Variants in MAP3K2 observed in about 807,000 individuals in gnomAD.
MAP3K2 encodes the protein mitogen-activated protein kinase kinase kinase 2, also known as MAP/ERK kinase kinase 2.
A neutral mutation model predicts 80.3 loss-of-function variants in MAP3K2; 24 were observed. The observed-to-expected ratio is 0.30, with a 90% confidence interval of 0.22 to 0.42. The LOEUF (loss-of-function observed/expected upper bound fraction) is 0.42. Ranked by LOEUF, MAP3K2 falls within the 10% of genes least tolerant of loss-of-function variation. The probability of loss-of-function intolerance (pLI) is 1.00; values close to 1 mark genes in which losing one functional copy is unlikely to be tolerated. For synonymous variants in MAP3K2, 244 were observed against 253.7 expected (o/e 0.96, Z 0.36); for missense variants, 608 against 750.1 (o/e 0.81, Z 2.21).
chr2:127,325,879 T>C, intron 8 of MAP3K2, 72 bp from the exon 9 acceptor site: 1 of 940,288 alleles, frequency 1.1e-6, no homozygotes, highest in Non-Finnish European at 1.7e-6. Flanking sequence ...AAAACCTGCC[T>C]TAATTAGACA....
chr2:127,349,740 GA>G (rs1686660398), intron 1 of MAP3K2, among the ~76,000 whole-genome samples: 1 of 152,060 alleles, frequency 6.6e-6, no homozygotes, highest in South Asian at 2.1e-4. Flanking sequence ...ACCTTTTGAG[GA>G]AACAACTAGC....
rs1330534671 is a variant in MAP3K2 at position 127,298,753 on chromosome 2, A to AG, written c.*8825dup. ...TCCATAGTCCAGAAGGTTACTTATT[A>AG]GAGTAAGCCTTTGCACCACAATCTT... On this transcript the variant is annotated 3_prime_UTR_variant, in exon 17 of 17. Coordinates refer to ENST00000682094, the MANE Select transcript of MAP3K2 (RefSeq NM_001371910.2). 6.6e-6 allele frequency: 1 copy of AG among 152,270 alleles called. No homozygotes were observed. The highest frequency in any genetic ancestry group is 1.5e-5 in the Non-Finnish European group (1 of 68,052). The allele number at this position is 152,270 out of a possible 1,614,324, so 9.4% of individuals were successfully genotyped here.
At chr2:127,315,852 A>G (rs1685891571) in intron 14 of MAP3K2, among the ~76,000 whole-genome samples, 1 of 152,114 alleles carries the variant, frequency 6.6e-6, no homozygotes, top group South Asian at 2.1e-4. Flanking sequence ...TGGGAGGCTG[A>G]GGCGGGCAGA....
chr2:127,360,717 G>A (rs1235934000), intron 1 of MAP3K2, among the ~76,000 whole-genome samples: 2 of 152,068 alleles, frequency 1.3e-5, no homozygotes, highest in Admixed American at 1.3e-4. Flanking sequence ...CTTTGCTTTT[G>A]ATTTTTAAAA....
chr2:127,337,516 T>A (rs1686397087), intron 4 of MAP3K2, among the ~76,000 whole-genome samples: 1 of 152,248 alleles, frequency 6.6e-6, no homozygotes, highest in South Asian at 2.1e-4. Flanking sequence ...TATTTATCTC[T>A]GAAAATTGCA....
chr2:127,371,415 C>T (rs1429609606), intron 1 of MAP3K2, among the ~76,000 whole-genome samples: 1 of 152,170 alleles, frequency 6.6e-6, no homozygotes, highest in Admixed American at 6.5e-5. Context: ...TTTCCAAAAG[C>T]AGAGATCAAC....
chr2:127,386,671 AT>A (rs11436115), intron 1 of MAP3K2, among the ~76,000 whole-genome samples: 2 of 152,010 alleles, frequency 1.3e-5, no homozygotes, highest in Admixed American at 6.5e-5. Context: ...CATCTTTTAA[AT>A]TTTTTTTAAA....
chr2:127,377,076 AT>A (rs1453543255), intron 1 of MAP3K2, among the ~76,000 whole-genome samples: 5 of 152,244 alleles, frequency 3.3e-5, no homozygotes, highest in African/African-American at 1.2e-4. Flanking sequence ...AAAAAAAGAA[AT>A]CATACTGAAA....
intron 4 of MAP3K2, among the ~76,000 whole-genome samples, chr2:127,336,907 G>A (rs1220153595): frequency 3.9e-5 from 6 of 152,196 alleles, no homozygotes; most frequent in African/African-American, 1.4e-4. Context: ...TTGGGAGGCC[G>A]GGGCGGGTGG....
chr2:127,318,149 ATT>A lies in MAP3K2; in HGVS notation c.1194+18_1194+19del. On this transcript the variant is annotated intron_variant, in intron 13 of 16. Coordinates refer to ENST00000682094, the MANE Select transcript of MAP3K2 (RefSeq NM_001371910.2). Reference sequence around the variant, plus strand: ...AAGTTTCTTATAATGTGACAAAGTAATTTGTGCAGTGATTTTTACCTTGCTGG... The same window carrying A: ...AAGTTTCTTATAATGTGACAAAGTAATGTGCAGTGATTTTTACCTTGCTGG... 1 of 1,554,608 alleles carries A rather than the reference ATT, an allele frequency of 6.4e-7. No homozygotes were observed. Among genetic ancestry groups the A allele is most frequent in the African/African-American group, 1.4e-5 (1 of 72,288 alleles).
intron 1 of MAP3K2, among the ~76,000 whole-genome samples, chr2:127,370,090 T>G (rs1348259911): frequency 7.3e-6 from 1 of 137,722 alleles, no homozygotes; most frequent in Non-Finnish European, 1.5e-5. Context: ...CTGGCCTAAA[T>G]CATCTGCATG....
intron 12 of MAP3K2, among the ~76,000 whole-genome samples, chr2:127,318,654 T>A (rs1165604214): frequency 1.3e-5 from 2 of 152,204 alleles, no homozygotes; most frequent in Non-Finnish European, 2.9e-5. Flanking sequence ...TGCAGTAATA[T>A]TTGTACTTAG....
intron 1 of MAP3K2, among the ~76,000 whole-genome samples, chr2:127,365,627 C>G (rs1033241869): frequency 1.3e-5 from 2 of 152,164 alleles, no homozygotes; most frequent in Non-Finnish European, 2.9e-5. Flanking sequence ...AAAAGCTTGA[C>G]TGAGGACCAC....
Position 127,307,373 on chromosome 2 carries a change from C to A in MAP3K2, c.*206G>T. On this transcript the variant is annotated 3_prime_UTR_variant, in exon 17 of 17. Coordinates refer to ENST00000682094, the MANE Select transcript of MAP3K2 (RefSeq NM_001371910.2). The surrounding 1 kb of genome is among the most constrained non-coding windows in gnomAD (Gnocchi z 5.4). ...AAATTAAAAAAAAAAACTTCAAGTT[C>A]TTGTAAGGGAAAAAAAGATTAAATA... The A allele has an allele frequency of 6.0e-6, 2 of 336,078 alleles. No homozygotes were observed. Among genetic ancestry groups the A allele is most frequent in the Non-Finnish European group, 1.1e-5 (2 of 188,868 alleles). The allele number at this position is 336,078 out of a possible 1,614,324, so 20.8% of individuals were successfully genotyped here.
chr2:127,365,031 G>A (rs1438571918), intron 1 of MAP3K2, among the ~76,000 whole-genome samples: 1 of 138,100 alleles, frequency 7.2e-6, no homozygotes, highest in African/African-American at 2.8e-5. Context: ...GGGAGGCTGA[G>A]GTTTGAGCCC....
chr2:127,376,446 T>C (rs182304771), intron 1 of MAP3K2, among the ~76,000 whole-genome samples: 1 of 152,232 alleles, frequency 6.6e-6, no homozygotes, highest in Non-Finnish European at 1.5e-5. Context: ...GCTGACTCTT[T>C]ACAGCACCCT....
chr2:127,358,208 A>G (rs1026561554), intron 1 of MAP3K2, among the ~76,000 whole-genome samples: 1 of 152,252 alleles, frequency 6.6e-6, no homozygotes, highest in Admixed American at 6.5e-5. Flanking sequence ...TCAATAAGAT[A>G]AGATGCTCAA....
chr2:127,331,059 T>C (rs1307826235), intron 5 of MAP3K2, among the ~76,000 whole-genome samples: 1 of 152,158 alleles, frequency 6.6e-6, no homozygotes, highest in Non-Finnish European at 1.5e-5. Flanking sequence ...TCTCTGAGCC[T>C]AGTGACCTGA....
intron 1 of MAP3K2, among the ~76,000 whole-genome samples, chr2:127,359,907 A>G (rs768017129): frequency 6.6e-6 from 1 of 152,238 alleles, no homozygotes; most frequent in Non-Finnish European, 1.5e-5. Flanking sequence ...CTGTGAGCCA[A>G]TTAAACCTCT....
Sources: gnomAD v4.1 joint callset for allele counts (sites outside exome capture counted in the v4.1 genomes callset) on GRCh38, gnomAD v4.1.1 for gene constraint, Gnocchi (gnomAD v3.1) non-coding constraint, MANE v1.5 for transcripts, NCBI Gene and HGNC (gene_info 2026-07-23, HGNC 2026-07-21) for gene names.